The following ZDHHC14 variants were observed in gnomAD, a reference collection of about 807,000 sequenced individuals.
ZDHHC14 encodes zDHHC palmitoyltransferase 14.
In ZDHHC14, 16 loss-of-function variants were observed where a neutral mutation model predicts 47.7. The ratio of observed to expected loss-of-function variants is 0.34; its 90% confidence interval spans 0.23 to 0.51. ZDHHC14 has a LOEUF of 0.51. Ranked by LOEUF, ZDHHC14 falls within the 20% of genes least tolerant of loss-of-function variation. ZDHHC14 has a pLI of 0.97. For synonymous variants in ZDHHC14, 293 were observed against 278.9 expected (o/e 1.05, Z -0.50); for missense variants, 515 against 662.5 (o/e 0.78, Z 2.44).
intron 5 of ZDHHC14, among the ~76,000 whole-genome samples, chr6:157,636,648 A>G (rs1252197045): frequency 1.3e-5 from 2 of 152,174 alleles, no homozygotes; most frequent in African/African-American, 4.8e-5. Flanking sequence ...AGACCCTAAC[A>G]AAACCCCATT....
intron 1 of ZDHHC14, among the ~76,000 whole-genome samples, chr6:157,473,472 T>C (rs932728715): frequency 1.3e-5 from 2 of 152,250 alleles, no homozygotes; most frequent in Non-Finnish European, 2.9e-5. Flanking sequence ...TTCACCTGTG[T>C]CGTTGCAAAT....
At chr6:157,390,368 A>G (rs1278790001) in intron 1 of ZDHHC14, among the ~76,000 whole-genome samples, 1 of 152,076 alleles carries the variant, frequency 6.6e-6, no homozygotes, top group Admixed American at 6.5e-5. Flanking sequence ...TAACATGCCT[A>G]TGTATGGTTT....
chr6:157,628,428 A>G lies in ZDHHC14; in HGVS notation c.645A>G (p.Leu215=). ...RNYRFFYMFI[L]SLSFLTVFIF... ...ACAGATTTTTTTATATGTTTATTTT[A>G]TCTCTGTCTTTTCTGACAGTCTTTA... is the stretch of plus-strand genomic sequence containing the variant. Residue 215 remains leucine, a synonymous_variant, in exon 4 of 9, where the codon TTA becomes TTG. Transcript: ENST00000359775. 6.2e-7 allele frequency: 1 copy of G among 1,612,474 alleles called. No individual in the cohort carries two copies. Among genetic ancestry groups the G allele is most frequent in the East Asian group, 2.2e-5 (1 of 44,784 alleles).
chr6:157,383,194 G>T (rs559866515), intron 1 of ZDHHC14, among the ~76,000 whole-genome samples: 1 of 152,122 alleles, frequency 6.6e-6, no homozygotes, highest in Non-Finnish European at 1.5e-5. Flanking sequence ...AATCAATTTT[G>T]GTTGCTTTTT....
intron 3 of ZDHHC14, among the ~76,000 whole-genome samples, chr6:157,605,642 A>G (rs1175029616): frequency 6.6e-6 from 1 of 152,174 alleles, no homozygotes; most frequent in Non-Finnish European, 1.5e-5. Flanking sequence ...ATGGACTTAG[A>G]GCAGACAGAC....
chr6:157,441,150 A>G (rs937714487), intron 1 of ZDHHC14, among the ~76,000 whole-genome samples: 6 of 152,314 alleles, frequency 3.9e-5, no homozygotes, highest in African/African-American at 1.2e-4. Flanking sequence ...AGAGGGAACC[A>G]CACCTTTTAG....
chr6:157,489,919 C>T (rs1474576431), intron 1 of ZDHHC14, among the ~76,000 whole-genome samples: 3 of 151,990 alleles, frequency 2.0e-5, no homozygotes, highest in Non-Finnish European at 4.4e-5. Context: ...AAAGGATTAG[C>T]TGGGAAGAGT....
At chr6:157,538,965 G>A (rs1781646059) in intron 1 of ZDHHC14, among the ~76,000 whole-genome samples, 1 of 152,112 alleles carries the variant, frequency 6.6e-6, no homozygotes, top group Non-Finnish European at 1.5e-5. Context: ...AGGTGACTGT[G>A]GGGGACTTGG....
chr6:157,460,485 G>A (rs1050748979), intron 1 of ZDHHC14, among the ~76,000 whole-genome samples: 3 of 149,000 alleles, frequency 2.0e-5, no homozygotes, highest in Non-Finnish European at 4.4e-5. Flanking sequence ...TCTCCAAAGA[G>A]TGCTGTTGAT....
At chr6:157,452,036 T>C (rs1459504466) in intron 1 of ZDHHC14, among the ~76,000 whole-genome samples, 5 of 152,124 alleles carry the variant, frequency 3.3e-5, no homozygotes, top group Non-Finnish European at 7.4e-5. Context: ...TCCGGAAAGA[T>C]GGGTTGGCCC....
intron 2 of ZDHHC14, among the ~76,000 whole-genome samples, chr6:157,555,013 A>T (rs4708853): frequency 0.67 from 101,726 of 152,106 alleles, 34,862 homozygotes; most frequent in African/African-American, 0.83. Flanking sequence ...TCTCCTCTAT[A>T]CAGTTCTCAT....
intron 8 of ZDHHC14, among the ~76,000 whole-genome samples, chr6:157,658,134 T>C (rs540623196): frequency 2.0e-5 from 3 of 152,260 alleles, no homozygotes; most frequent in Non-Finnish European, 4.4e-5. Flanking sequence ...AGCTCAACTG[T>C]ACCCTCTTGG....
chr6:157,602,489 CAAAAAAAAAA>C (rs552594669), intron 3 of ZDHHC14, among the ~76,000 whole-genome samples: 1 of 60,616 alleles, frequency 1.6e-5, no homozygotes, highest in South Asian at 6.5e-4. Context: ...GACTCCGTTT[CAAAAAAAAAA>C]AAAAAAAAAC....
chr6:157,517,590 C>A (rs1314384656), intron 1 of ZDHHC14, among the ~76,000 whole-genome samples: 1 of 152,154 alleles, frequency 6.6e-6, no homozygotes, highest in Non-Finnish European at 1.5e-5. Context: ...GGATTACAGG[C>A]TTGAGCCACC....
chr6:157,549,222 G>T (rs148286704), intron 2 of ZDHHC14, among the ~76,000 whole-genome samples: 1 of 152,200 alleles, frequency 6.6e-6, no homozygotes, highest in African/African-American at 2.4e-5. Flanking sequence ...CTCTCTCCCC[G>T]GTACAGCCTC....
chr6:157,416,804 C>CA (rs1373125020), intron 1 of ZDHHC14, among the ~76,000 whole-genome samples: 3 of 110,164 alleles, frequency 2.7e-5, no homozygotes, highest in African/African-American at 8.9e-5. Context: ...CCATTGTTAG[C>CA]AAATTTTTTT....
intron 1 of ZDHHC14, among the ~76,000 whole-genome samples, chr6:157,446,692 G>A (rs183604164): frequency 6.6e-6 from 1 of 152,280 alleles, no homozygotes; most frequent in Non-Finnish European, 1.5e-5. Flanking sequence ...TTAGAGGCAT[G>A]AGCCACTGTG....
At chr6:157,467,515 TTTTATTTA>T (rs139585882) in intron 1 of ZDHHC14, among the ~76,000 whole-genome samples, 7,357 of 136,286 alleles carry the variant, frequency 0.054, 226 homozygotes, top group Non-Finnish European at 0.073. Context: ...TCATTCCTCA[TTTTATTTA>T]TTTATTTATT....
At chr6:157,621,785 A>G (rs1210872877) in intron 3 of ZDHHC14, among the ~76,000 whole-genome samples, 5 of 152,132 alleles carry the variant, frequency 3.3e-5, no homozygotes, top group Non-Finnish European at 5.9e-5. Flanking sequence ...TTTCCCCTCA[A>G]TATTTCAGTG....
Sources: allele counts gnomAD v4.1 joint callset (sites outside exome capture counted in the v4.1 genomes callset), GRCh38; gene constraint gnomAD v4.1.1; transcripts MANE v1.5; gene names NCBI Gene and HGNC (gene_info 2026-07-23, HGNC 2026-07-21).